The following ADAMTSL1 variants were observed in gnomAD, a reference collection of about 807,000 sequenced individuals.
ADAMTSL1 encodes the protein ADAMTS like 1, also known as ADAMTS-like protein 1.
A neutral mutation model predicts 201.8 loss-of-function variants in ADAMTSL1; 126 were observed. The observed-to-expected ratio is 0.62, with a 90% CI of 0.54 to 0.72. The LOEUF is 0.72. ADAMTSL1 is among the 30% of genes least tolerant of loss of function. ADAMTSL1 has a pLI of 0.00. For synonymous variants in ADAMTSL1, 1,121 were observed against 903.4 expected (o/e 1.24, Z -4.32); for missense variants, 2,679 against 2,277.8 (o/e 1.18, Z -3.59).
At chr9:18,733,779 A>T (rs1818356512) in intron 15 of ADAMTSL1, among the ~76,000 whole-genome samples, 1 of 150,942 alleles carries the variant, frequency 6.6e-6, no homozygotes. Context: ...CTCTCCCCTG[A>T]AGACTTATTC....
intron 1 of ADAMTSL1, among the ~76,000 whole-genome samples, chr9:18,094,459 G>T (rs1204844452): frequency 6.6e-6 from 1 of 152,030 alleles, no homozygotes; most frequent in Non-Finnish European, 1.5e-5. Flanking sequence ...CTTCACTAAT[G>T]CATTTTAGGT....
intron 3 of ADAMTSL1, among the ~76,000 whole-genome samples, chr9:18,562,878 G>C (rs1277711777): frequency 6.6e-6 from 1 of 152,152 alleles, no homozygotes; most frequent in Admixed American, 6.5e-5. Context: ...GGTCATTTAT[G>C]TTCTTCTCTA....
At chr9:18,267,460 C>T (rs1288881894) in intron 2 of ADAMTSL1, among the ~76,000 whole-genome samples, 2 of 152,032 alleles carry the variant, frequency 1.3e-5, no homozygotes, top group African/African-American at 4.8e-5. Context: ...ATTTTTCTTG[C>T]CACCAGAAGA....
At chr9:18,195,993 T>G (rs1227112659) in intron 2 of ADAMTSL1, among the ~76,000 whole-genome samples, 2 of 152,154 alleles carry the variant, frequency 1.3e-5, no homozygotes, top group Non-Finnish European at 2.9e-5. Context: ...AAAAAACAAT[T>G]CATACATCAC....
chr9:18,153,698 G>C (rs1212120117), intron 1 of ADAMTSL1, among the ~76,000 whole-genome samples: 1 of 152,008 alleles, frequency 6.6e-6, no homozygotes, highest in African/African-American at 2.4e-5. Context: ...GAGGAATAAA[G>C]TCATTACGCT....
intron 5 of ADAMTSL1, among the ~76,000 whole-genome samples, chr9:18,632,432 A>T (rs936136538): frequency 2.6e-5 from 4 of 152,246 alleles, no homozygotes; most frequent in African/African-American, 9.6e-5. Context: ...GTTTTTATGG[A>T]TAAACATCTT....
At chr9:18,547,570 GA>G (rs1435772043) in intron 3 of ADAMTSL1, among the ~76,000 whole-genome samples, 2 of 139,030 alleles carry the variant, frequency 1.4e-5, no homozygotes, top group African/African-American at 5.4e-5. Context: ...AAGCCAGGTA[GA>G]AAACTTGATG....
chr9:18,862,118 G>A (rs765344533), intron 23 of ADAMTSL1, among the ~76,000 whole-genome samples: 6 of 152,102 alleles, frequency 3.9e-5, no homozygotes, highest in Non-Finnish European at 8.8e-5. Context: ...GAGGCCTCCC[G>A]GGATACGTGC....
At chr9:18,189,566 A>G (rs1828884470) in intron 2 of ADAMTSL1, among the ~76,000 whole-genome samples, 1 of 152,180 alleles carries the variant, frequency 6.6e-6, no homozygotes, top group Non-Finnish European at 1.5e-5. Context: ...GTAAAATTAA[A>G]TAAATAAATA....
At chr9:18,257,701 G>C (rs949505267) in intron 2 of ADAMTSL1, among the ~76,000 whole-genome samples, 2 of 152,014 alleles carry the variant, frequency 1.3e-5, no homozygotes, top group African/African-American at 2.4e-5. Flanking sequence ...CCAAAGAACC[G>C]AAAGCACACA....
At chr9:18,118,325 A>C (rs992205599) in intron 1 of ADAMTSL1, among the ~76,000 whole-genome samples, 5 of 152,196 alleles carry the variant, frequency 3.3e-5, no homozygotes, top group Non-Finnish European at 2.9e-5. Context: ...TCCAGTGTGA[A>C]ATCTCTTTCT....
intron 16 of ADAMTSL1, among the ~76,000 whole-genome samples, chr9:18,766,308 G>A (rs988533581): frequency 6.6e-6 from 1 of 152,218 alleles, no homozygotes; most frequent in East Asian, 1.9e-4. Context: ...GGTTAGAGGA[G>A]TATAGATTAT....
chr9:18,415,479 T>C (rs1818634224), intron 2 of ADAMTSL1, among the ~76,000 whole-genome samples: 1 of 152,058 alleles, frequency 6.6e-6, no homozygotes, highest in African/African-American at 2.4e-5. Flanking sequence ...CTAAAAGATA[T>C]ACTAATAGAA....
intron 9 of ADAMTSL1, among the ~76,000 whole-genome samples, chr9:18,663,519 A>G (rs1829239935): frequency 6.6e-6 from 1 of 152,144 alleles, no homozygotes; most frequent in South Asian, 2.1e-4. Flanking sequence ...TTTTAAAATT[A>G]TTCTACTTAT....
chr9:18,327,563 CAACA>C (rs911360571), intron 2 of ADAMTSL1, among the ~76,000 whole-genome samples: 40 of 152,158 alleles, frequency 2.6e-4, no homozygotes, highest in African/African-American at 9.4e-4. Context: ...ACTATAATAG[CAACA>C]AACTTGGGGA....
chr9:17,906,715 G>T (rs1358805544), exon 1 of ADAMTSL1: 1 of 152,844 alleles, frequency 6.5e-6, no homozygotes, highest in Non-Finnish European at 1.5e-5. Flanking sequence ...CTCGTGGGGC[G>T]CACGCCCGAG....
chr9:18,546,283 G>A (rs1213857724), intron 3 of ADAMTSL1, among the ~76,000 whole-genome samples: 1 of 152,016 alleles, frequency 6.6e-6, no homozygotes. Flanking sequence ...TCATCACAGT[G>A]GGAAGGCTAA....
chr9:18,392,686 A>C (rs141164190), intron 2 of ADAMTSL1, among the ~76,000 whole-genome samples: 25 of 152,368 alleles, frequency 1.6e-4, no homozygotes, highest in Admixed American at 1.1e-3. Flanking sequence ...GGAATCAACC[A>C]ATCCTGTAGC....
intron 14 of ADAMTSL1, among the ~76,000 whole-genome samples, chr9:18,719,333 T>TTTTTTA (rs1833179494): frequency 6.6e-6 from 1 of 152,210 alleles, no homozygotes; most frequent in Non-Finnish European, 1.5e-5. Context: ...TTGTGATTCT[T>TTTTTTA]TTTTTATTTT....
Sources: allele counts gnomAD v4.1 joint callset (sites outside exome capture counted in the v4.1 genomes callset), GRCh38; gene constraint gnomAD v4.1.1; transcripts MANE v1.5; gene names NCBI Gene and HGNC (gene_info 2026-07-23, HGNC 2026-07-21).